Variants in CSMD1 observed in about 807,000 individuals in gnomAD.
CSMD1 encodes the protein CUB and sushi domain-containing protein 1.
Under a neutral mutation model 417.5 loss-of-function variants are expected in CSMD1, and 213 were observed. The ratio of observed to expected loss-of-function variants is 0.51; its 90% CI spans 0.46 to 0.57. CSMD1 has a LOEUF of 0.57. Among genes scored for constraint, CSMD1 ranks in the 20% least tolerant of loss-of-function variants. The pLI, the probability that CSMD1 is intolerant of heterozygous loss-of-function variation, is 0.00. For missense variants in CSMD1, 6,923 were observed against 4,529.7 expected, an observed-to-expected ratio of 1.53 and a Z score of -15.17; for synonymous variants, 2,862 against 1,736.8, an observed-to-expected ratio of 1.65 and a Z score of -16.11.
At chr8:3,773,874 G>A (rs984078254) in intron 5 of CSMD1, among the ~76,000 whole-genome samples, 2 of 152,072 alleles carry the variant, frequency 1.3e-5, no homozygotes, top group Non-Finnish European at 2.9e-5. Context: ...TTACTATGTT[G>A]CTGAGGAAAA....
At chr8:4,917,786 G>A (rs1201260073) in intron 1 of CSMD1, among the ~76,000 whole-genome samples, 1 of 152,198 alleles carries the variant, frequency 6.6e-6, no homozygotes, top group African/African-American at 2.4e-5. Context: ...AAGCCATAAT[G>A]TGAAAAGTGT....
chr8:4,618,117 TG>T (rs1392227222), intron 2 of CSMD1, among the ~76,000 whole-genome samples: 1 of 152,146 alleles, frequency 6.6e-6, no homozygotes, highest in African/African-American at 2.4e-5. Flanking sequence ...AAATGTCACA[TG>T]AAAGGTTTCT....
At chr8:3,119,635 A>G (rs1017469714) in intron 41 of CSMD1, among the ~76,000 whole-genome samples, 2 of 152,208 alleles carry the variant, frequency 1.3e-5, no homozygotes, top group Non-Finnish European at 2.9e-5. Flanking sequence ...TTTTAAAGCT[A>G]AATGAGCCTC....
At chr8:3,097,850 C>G (rs953202663) in intron 46 of CSMD1, among the ~76,000 whole-genome samples, 1 of 152,160 alleles carries the variant, frequency 6.6e-6, no homozygotes, top group Admixed American at 6.5e-5. Flanking sequence ...AATTAGAGAC[C>G]TGGTCTCAAT....
chr8:3,435,552 A>C (rs901475876), intron 12 of CSMD1, among the ~76,000 whole-genome samples: 6 of 152,084 alleles, frequency 3.9e-5, no homozygotes, highest in Non-Finnish European at 7.4e-5. Flanking sequence ...GCCTGCATGG[A>C]GACTTCGAAT....
At chr8:4,495,438 G>A (rs1033462444) in intron 2 of CSMD1, among the ~76,000 whole-genome samples, 50 of 152,122 alleles carry the variant, frequency 3.3e-4, no homozygotes, top group African/African-American at 1.1e-3. Flanking sequence ...AGCTAGGCCT[G>A]GTGACGTGTG....
chr8:4,666,021 G>C (rs939182879), intron 1 of CSMD1, among the ~76,000 whole-genome samples: 3 of 152,112 alleles, frequency 2.0e-5, no homozygotes. Flanking sequence ...ACTTGTTGTT[G>C]TCATTTTTTT....
At chr8:4,273,995 C>G (rs1349115173) in intron 3 of CSMD1, among the ~76,000 whole-genome samples, 1 of 152,082 alleles carries the variant, frequency 6.6e-6, no homozygotes, top group Non-Finnish European at 1.5e-5. Context: ...TCAGTGATAA[C>G]CGCATGCATT....
intron 5 of CSMD1, among the ~76,000 whole-genome samples, chr8:3,959,455 C>T (rs1018528501): frequency 3.9e-5 from 6 of 152,160 alleles, no homozygotes; most frequent in East Asian, 1.9e-4. Context: ...GCCAAGATCA[C>T]GCCATTGCAC....
intron 3 of CSMD1, among the ~76,000 whole-genome samples, chr8:4,248,951 T>C (rs1802882211): frequency 6.6e-6 from 1 of 152,208 alleles, no homozygotes; most frequent in Admixed American, 6.5e-5. Flanking sequence ...CATAATACCA[T>C]AATGCTACTT....
At chr8:4,522,072 A>G (rs1011992639) in intron 2 of CSMD1, among the ~76,000 whole-genome samples, 1 of 152,160 alleles carries the variant, frequency 6.6e-6, no homozygotes, top group Non-Finnish European at 1.5e-5. Flanking sequence ...AATCTCATCT[A>G]GAATTGTAGC....
At chr8:3,895,964 G>C (rs1807330860) in intron 5 of CSMD1, among the ~76,000 whole-genome samples, 2 of 152,178 alleles carry the variant, frequency 1.3e-5, no homozygotes, top group Admixed American at 6.5e-5. Context: ...GTAAAAGATA[G>C]TCCTGTTAAC....
intron 10 of CSMD1, among the ~76,000 whole-genome samples, chr8:3,529,749 T>C (rs1585311673): frequency 6.6e-6 from 1 of 152,310 alleles, no homozygotes; most frequent in African/African-American, 2.4e-5. Flanking sequence ...AAACGGAATT[T>C]AGCCATGCAA....
chr8:4,472,331 G>C (rs1046797702), intron 2 of CSMD1, among the ~76,000 whole-genome samples: 1 of 152,078 alleles, frequency 6.6e-6, no homozygotes, highest in Non-Finnish European at 1.5e-5. Context: ...CAATAGTAGA[G>C]AAAGCATGTA....
At chr8:3,606,713 ATTTTT>A (rs11335642) in intron 8 of CSMD1, among the ~76,000 whole-genome samples, 2 of 139,984 alleles carry the variant, frequency 1.4e-5, no homozygotes, top group African/African-American at 5.5e-5. Flanking sequence ...CTTCGTTACA[ATTTTT>A]TTTTTTTTTT....
intron 3 of CSMD1, among the ~76,000 whole-genome samples, chr8:4,334,485 C>T (rs745806286): frequency 1.3e-5 from 2 of 152,100 alleles, no homozygotes; most frequent in East Asian, 1.9e-4. Context: ...CCTGCCTTAT[C>T]GATTTTTGAC....
intron 3 of CSMD1, among the ~76,000 whole-genome samples, chr8:4,208,451 T>C (rs1471449335): frequency 1.3e-5 from 2 of 152,220 alleles, no homozygotes; most frequent in Admixed American, 1.3e-4. Context: ...TTTCTTTGGC[T>C]ATAAAAAATT....
In CSMD1 at chr8:4,084,649, A is replaced by G. The variant is rs965844476; in HGVS notation, c.416-52550T>C. 2.6e-5 allele frequency among the ~76,000 whole-genome samples: 4 copies of G among 152,294 alleles called. No individual in the cohort carries two copies. The South Asian group carries it at 8.3e-4, about 32-fold the overall frequency. ...TTGCCAAGCCCTCTTTAGTGATGGC[A>G]CAACATTAGCAAGACCAGTAGGGAA... On this transcript the variant is annotated intron_variant, in intron 3 of 69. Transcript: ENST00000635120.
intron 5 of CSMD1, among the ~76,000 whole-genome samples, chr8:3,990,426 T>C (rs1563291314): frequency 1.3e-5 from 2 of 152,184 alleles, no homozygotes; most frequent in Non-Finnish European, 2.9e-5. Context: ...CCGGGATAAC[T>C]ATTTTTCCTA....
Sources: gnomAD v4.1 joint callset for allele counts (sites outside exome capture counted in the v4.1 genomes callset) on GRCh38, gnomAD v4.1.1 for gene constraint, MANE v1.5 for transcripts, NCBI Gene and HGNC (gene_info 2026-07-23, HGNC 2026-07-21) for gene names.